Variants in SCAPER observed in about 807,000 individuals in gnomAD.
SCAPER encodes S phase cyclin A-associated protein in the endoplasmic reticulum.
SCAPER carries 98 observed loss-of-function variants against 182.2 expected under a neutral mutation model. The ratio of observed to expected loss-of-function variants is 0.54; its 90% CI spans 0.46 to 0.64. The LOEUF is 0.64. SCAPER is among the 30% of genes least tolerant of loss of function. The pLI is 0.00. For missense variants in SCAPER, 1,432 were observed against 1,690.0 expected (o/e 0.85, Z 2.68); for synonymous variants, 605 against 564.6 (o/e 1.07, Z -1.01).
At position 76,483,919 on chromosome 15, in the gene SCAPER, T is replaced by C. The variant is rs1050201379; in HGVS notation, c.2955-12584A>G. ...GGGAATGAAAAATAATAAAGTCACA[T>C]TGGAAGACAGTTTGGTAGTTCTTTA... On this transcript the variant is annotated intron_variant, in intron 24 of 31. Transcript: ENST00000563290. Among the ~76,000 whole-genome samples, 6 of 152,252 alleles carry C rather than the reference T, an allele frequency of 3.9e-5. No individual in the cohort carries two copies. The East Asian group carries it at 1.2e-3, about 29-fold the overall frequency.
intron 29 of SCAPER, among the ~76,000 whole-genome samples, chr15:76,358,923 T>G (rs2041196701): frequency 6.6e-6 from 1 of 152,192 alleles, no homozygotes; most frequent in South Asian, 2.1e-4. Flanking sequence ...AGTGCTGGTG[T>G]TAGGCAGCCC....
chr15:76,419,558 G>A (rs1314273867), intron 26 of SCAPER, among the ~76,000 whole-genome samples: 1 of 151,710 alleles, frequency 6.6e-6, no homozygotes, highest in African/African-American at 2.4e-5. Flanking sequence ...CTGTCTCTAC[G>A]AAAAATACAA....
At chr15:76,866,242 AGT>A (rs375451190) in intron 2 of SCAPER, among the ~76,000 whole-genome samples, 9 of 150,762 alleles carry the variant, frequency 6.0e-5, no homozygotes, top group Non-Finnish European at 1.0e-4. Flanking sequence ...AGAGACACTG[AGT>A]GTGTGTGTGT....
At chr15:76,803,731 A>G (rs1598821740) in intron 6 of SCAPER, among the ~76,000 whole-genome samples, 1 of 152,082 alleles carries the variant, frequency 6.6e-6, no homozygotes, top group East Asian at 1.9e-4. Context: ...AATCCCACTC[A>G]TAAGGGCTCC....
Position 76,660,042 on chromosome 15 carries a change from A to G in SCAPER, c.2645+5611T>C, listed in dbSNP as rs111846486. Among the ~76,000 whole-genome samples the G allele has an allele frequency of 6.7e-3, 1,018 of 152,370 alleles. 13 individuals are homozygous for G. Among genetic ancestry groups the G allele is most frequent in the African/African-American group, 0.023 (971 of 41,590 alleles). On this transcript the variant is annotated intron_variant, in intron 21 of 31. Transcript: ENST00000563290. Reference sequence around the variant, plus strand: ...AAAGAAAATGGGGTACATATGTATCATGGAATACTATGCACCTATAAAAAA... The same window carrying G: ...AAAGAAAATGGGGTACATATGTATCGTGGAATACTATGCACCTATAAAAAA...
intron 15 of SCAPER, among the ~76,000 whole-genome samples, chr15:76,741,643 GAAAA>G (rs570553435): frequency 7.6e-4 from 116 of 152,162 alleles, no homozygotes; most frequent in African/African-American, 2.7e-3. Context: ...GAAGATGTCA[GAAAA>G]AATCAGCCTA....
chr15:76,901,036 T>C (rs2074751198), intron 1 of SCAPER, among the ~76,000 whole-genome samples: 1 of 152,194 alleles, frequency 6.6e-6, no homozygotes, highest in African/African-American at 2.4e-5. Context: ...GTTCACATTT[T>C]TGCTAATTGA....
At chr15:76,848,033 A>T (rs966931297) in intron 4 of SCAPER, among the ~76,000 whole-genome samples, 7 of 152,242 alleles carry the variant, frequency 4.6e-5, no homozygotes, top group Admixed American at 1.3e-4. Context: ...TTTGAGAAGG[A>T]GTCTCACTCT....
intron 4 of SCAPER, among the ~76,000 whole-genome samples, chr15:76,849,988 A>G (rs747995873): frequency 6.6e-6 from 1 of 152,144 alleles, no homozygotes; most frequent in Non-Finnish European, 1.5e-5. Flanking sequence ...CTCACTCACT[A>G]TCACGAGAAC....
At chr15:76,582,607 C>T (rs2048347242) in intron 22 of SCAPER, among the ~76,000 whole-genome samples, 1 of 152,082 alleles carries the variant, frequency 6.6e-6, no homozygotes, top group South Asian at 2.1e-4. Context: ...AATCTTAAAA[C>T]TTATATAAAA....
At chr15:76,537,331 C>A (rs892352758) in intron 23 of SCAPER, among the ~76,000 whole-genome samples, 1 of 152,082 alleles carries the variant, frequency 6.6e-6, no homozygotes, top group African/African-American at 2.4e-5. Flanking sequence ...TGCAAGGCTA[C>A]AGTAACCAAA....
intron 24 of SCAPER, among the ~76,000 whole-genome samples, chr15:76,476,692 C>G (rs1419807948): frequency 1.4e-5 from 2 of 140,904 alleles, no homozygotes; most frequent in Non-Finnish European, 3.0e-5. Flanking sequence ...ATCCCTCCTA[C>G]CACCTAGGCC....
intron 22 of SCAPER, among the ~76,000 whole-genome samples, chr15:76,582,333 A>G (rs148967587): frequency 1.2e-4 from 18 of 152,322 alleles, no homozygotes; most frequent in African/African-American, 3.6e-4. Context: ...TGAAAAAGTC[A>G]AGAAACTAAT....
Position 76,610,045 on chromosome 15 carries a change from A to G in SCAPER, c.2711+11719T>C, listed in dbSNP as rs577241443. Among the ~76,000 whole-genome samples, 22 of 152,274 alleles carry G rather than the reference A, an allele frequency of 1.4e-4. 1 individual carries two copies. The highest frequency in any genetic ancestry group is 5.8e-4 in the East Asian group (3 of 5,186). On this transcript the variant is annotated intron_variant, in intron 22 of 31. Coordinates refer to ENST00000563290, the MANE Select transcript of SCAPER (RefSeq NM_020843.4). Reference sequence around the variant, plus strand: ...CTTGGTAAAAACGGAATGCTCTGACATATTACAAAATAATTACTTTTCCCC... The same window carrying G: ...CTTGGTAAAAACGGAATGCTCTGACGTATTACAAAATAATTACTTTTCCCC...
intron 14 of SCAPER, among the ~76,000 whole-genome samples, chr15:76,754,585 A>G (rs927665140): frequency 3.9e-5 from 6 of 152,108 alleles, no homozygotes; most frequent in Non-Finnish European, 5.9e-5. Context: ...ACAATCTCAA[A>G]CAGAAGAAGC....
chr15:76,354,110 C>G lies in SCAPER; in HGVS notation c.3886G>C (p.Val1296Leu). ...GGCAACTGGCAGAGCTTCTGCAGCA[C>G]TGTGGGGTGGCGGCCGGACTGCACG... ...VIVQSGRHPT[V>L]LQKLCQLPFQ... is the part of the protein sequence containing the mutation. The change falls in exon 30 of 32, where the codon GTG becomes CTG. Residue 1296 changes from valine (V) to leucine (L), a missense_variant. This residue lies in a region of SCAPER where 718 missense variants were observed against 799.7 expected (regional missense o/e 0.90). Coordinates refer to ENST00000563290, the MANE Select transcript of SCAPER (RefSeq NM_020843.4). The surrounding 1 kb of genome is among the most constrained non-coding windows in gnomAD (Gnocchi z 4.4). 1 of 1,609,152 alleles carries G rather than the reference C, an allele frequency of 6.2e-7. No individual in the cohort carries two copies. The highest frequency in any genetic ancestry group is 8.5e-7 in the Non-Finnish European group (1 of 1,178,332).
intron 17 of SCAPER, among the ~76,000 whole-genome samples, chr15:76,716,946 A>G (rs1158160041): frequency 1.3e-5 from 2 of 152,180 alleles, no homozygotes; most frequent in South Asian, 4.1e-4. Context: ...ATCTCAGATA[A>G]ACTTTAGAAG....
intron 23 of SCAPER, among the ~76,000 whole-genome samples, chr15:76,520,433 G>A (rs2042748063): frequency 6.6e-6 from 1 of 151,984 alleles, no homozygotes; most frequent in Admixed American, 6.5e-5. Flanking sequence ...GCTCAGGCTG[G>A]GCTTGAACTC....
At position 76,696,996 on chromosome 15, in the gene SCAPER, C is replaced by T. The variant is rs140534589; in HGVS notation, c.2508+4762G>A. Reference sequence around the variant, plus strand: ...CCTACTATGTTTAACAGGCTTAAAACAAAATGTGTCAAAGATCAAGAGTAA... The same window carrying T: ...CCTACTATGTTTAACAGGCTTAAAATAAAATGTGTCAAAGATCAAGAGTAA... On this transcript the variant is annotated intron_variant, in intron 20 of 31. Transcript: ENST00000563290. Among the ~76,000 whole-genome samples, 227 of 152,170 alleles carry T rather than the reference C, an allele frequency of 1.5e-3. No homozygotes were observed. The East Asian group carries it at 0.018, about 12-fold the overall frequency.
Sources: allele counts gnomAD v4.1 joint callset (sites outside exome capture counted in the v4.1 genomes callset), GRCh38; gene constraint gnomAD v4.1.1; regional missense constraint gnomAD v4.1.1; non-coding constraint Gnocchi (gnomAD v3.1); transcripts MANE v1.5; gene names NCBI Gene and HGNC (gene_info 2026-07-23, HGNC 2026-07-21).